SLC24A2: variants seen among roughly 807,000 people sequenced by gnomAD.
SLC24A2 encodes the protein sodium/potassium/calcium exchanger 2.
SLC24A2 carries 36 observed loss-of-function variants against 62.0 expected under a neutral mutation model. The ratio of observed to expected loss-of-function variants is 0.58; its 90% confidence interval spans 0.44 to 0.77. SLC24A2 has a LOEUF of 0.77. Among genes scored for constraint, SLC24A2 ranks in the 30% least tolerant of loss-of-function variants. SLC24A2 has a pLI of 0.00. For synonymous variants in SLC24A2, 358 were observed against 294.0 expected, an observed-to-expected ratio of 1.22 and a Z score of -2.23; for missense variants, 846 against 817.9, an observed-to-expected ratio of 1.03 and a Z score of -0.42.
chr9:19,536,199 TA>T (rs1716230021), intron 8 of SLC24A2, among the ~76,000 whole-genome samples: 2 of 150,228 alleles, frequency 1.3e-5, no homozygotes, highest in South Asian at 2.1e-4. Context: ...ATTTTTTATT[TA>T]TTTATTTTTT....
chr9:20,256,234 G>A, the SLC24A2 span, among the ~76,000 whole-genome samples: 3 of 152,186 alleles, frequency 2.0e-5, no homozygotes, highest in Admixed American at 6.5e-5. Flanking sequence ...TTAAACCATA[G>A]TATTTGCTAG....
the SLC24A2 span, among the ~76,000 whole-genome samples, chr9:19,844,548 G>T: frequency 5.9e-5 from 9 of 151,778 alleles, no homozygotes; most frequent in African/African-American, 1.9e-4. Flanking sequence ...TTTTTTTGTT[G>T]TTTTTGCAAT....
chr9:19,619,680 G>A lies in SLC24A2; in HGVS notation c.982C>T (p.Leu328Phe). ...DEPTLPAKPR[L>F]QRGGSSASLH... The stretch of plus-strand genomic sequence containing the variant: ...GAGGCAGAGCTTCCACCTCGCTGGA[G>A]ACGCGGCTTAGCCTGAGCAGAGAAA... Residue 328 changes from leucine to phenylalanine, a missense_variant, in exon 4 of 11, where the codon CTC becomes TTC. By Grantham distance (22) the Leu-to-Phe change is conservative. Coordinates refer to ENST00000341998, the MANE Select transcript of SLC24A2 (RefSeq NM_020344.4). 1 of 1,613,792 alleles carries A rather than the reference G, an allele frequency of 6.2e-7. No homozygotes were observed. The highest frequency in any genetic ancestry group is 8.5e-7 in the Non-Finnish European group (1 of 1,179,740).
At chr9:19,554,894 G>A (rs1173111826) in intron 7 of SLC24A2, among the ~76,000 whole-genome samples, 1 of 152,188 alleles carries the variant, frequency 6.6e-6, no homozygotes, top group Non-Finnish European at 1.5e-5. Flanking sequence ...TGATGGCAAT[G>A]CTTCCGGGAT....
chr9:20,138,405 A>G, the SLC24A2 span, among the ~76,000 whole-genome samples: 18 of 152,306 alleles, frequency 1.2e-4, no homozygotes, highest in African/African-American at 4.1e-4. Flanking sequence ...CCTGGAGCTT[A>G]CTTATTACTT....
the SLC24A2 span, among the ~76,000 whole-genome samples, chr9:20,257,634 C>T: frequency 1.3e-5 from 2 of 152,140 alleles, no homozygotes; most frequent in African/African-American, 2.4e-5. Context: ...CCAGATCTGC[C>T]GGTTACTGAC....
upstream of SLC24A2, among the ~76,000 whole-genome samples, chr9:19,793,804 A>G (rs374484500): frequency 6.6e-6 from 1 of 152,330 alleles, no homozygotes; most frequent in East Asian, 1.9e-4. Flanking sequence ...TTGAGATTAT[A>G]TACTTAGAAC....
chr9:19,605,098 A>C (rs1836947304), intron 4 of SLC24A2, among the ~76,000 whole-genome samples: 1 of 152,218 alleles, frequency 6.6e-6, no homozygotes, highest in Admixed American at 6.5e-5. Flanking sequence ...ATAGTTATGC[A>C]TCTTAGATTA....
At chr9:19,570,025 C>T (rs900167492) in intron 7 of SLC24A2, among the ~76,000 whole-genome samples, 2 of 152,202 alleles carry the variant, frequency 1.3e-5, no homozygotes, top group East Asian at 1.9e-4. Context: ...TGTTCATGGC[C>T]TTTGGGGCCA....
the SLC24A2 span, among the ~76,000 whole-genome samples, chr9:20,113,011 A>G: frequency 6.6e-6 from 1 of 152,142 alleles, no homozygotes; most frequent in East Asian, 1.9e-4. Flanking sequence ...TTGTGGCTCT[A>G]TTACATTAGC....
chr9:20,257,556 G>A, the SLC24A2 span, among the ~76,000 whole-genome samples: 1 of 152,092 alleles, frequency 6.6e-6, no homozygotes, highest in Admixed American at 6.5e-5. Flanking sequence ...TTGGGCCTCT[G>A]GAAAGAAGCA....
the SLC24A2 span, among the ~76,000 whole-genome samples, chr9:19,993,676 A>G: frequency 6.6e-6 from 1 of 152,162 alleles, no homozygotes; most frequent in Admixed American, 6.5e-5. Context: ...GCCCACACAG[A>G]GTTCTACCCC....
At chr9:19,871,079 A>T in the SLC24A2 span, among the ~76,000 whole-genome samples, 2 of 152,128 alleles carry the variant, frequency 1.3e-5, no homozygotes, top group Non-Finnish European at 2.9e-5. Flanking sequence ...GGTCAGAAAG[A>T]CACCTGTGTT....
At chr9:20,083,485 A>C in the SLC24A2 span, among the ~76,000 whole-genome samples, 1 of 152,190 alleles carries the variant, frequency 6.6e-6, no homozygotes, top group Admixed American at 6.5e-5. Flanking sequence ...AGCAAAAATA[A>C]CCATGGTGAA....
the SLC24A2 span, among the ~76,000 whole-genome samples, chr9:20,078,780 A>G: frequency 1.3e-5 from 2 of 152,190 alleles, no homozygotes; most frequent in Non-Finnish European, 2.9e-5. Context: ...ATGCCTCCCT[A>G]TCCCAATCCT....
At chr9:20,128,757 A>G in the SLC24A2 span, among the ~76,000 whole-genome samples, 9 of 152,122 alleles carry the variant, frequency 5.9e-5, no homozygotes, top group African/African-American at 1.9e-4. Context: ...AGACATTTAC[A>G]TGCAAAAGAA....
intron 2 of SLC24A2, among the ~76,000 whole-genome samples, chr9:19,781,361 G>A (rs1205272258): frequency 6.7e-6 from 1 of 150,354 alleles, no homozygotes; most frequent in African/African-American, 2.4e-5. Flanking sequence ...GACAAAGAGA[G>A]GAATAGATGA....
At chr9:19,641,217 G>A (rs1885225) in intron 2 of SLC24A2, among the ~76,000 whole-genome samples, 113,407 of 152,188 alleles carry the variant, frequency 0.75, 42,363 homozygotes, top group East Asian at 0.86. Context: ...TTGTCCCTCT[G>A]CTTTACTGAC....
the SLC24A2 span, among the ~76,000 whole-genome samples, chr9:20,089,190 G>T: frequency 6.6e-6 from 1 of 152,104 alleles, no homozygotes. Flanking sequence ...AGTCTGCAGG[G>T]ACCAGAAACT....
Sources: gnomAD v4.1 joint callset for allele counts (sites outside exome capture counted in the v4.1 genomes callset) on GRCh38, gnomAD v4.1.1 for gene constraint, MANE v1.5 for transcripts, NCBI Gene and HGNC (gene_info 2026-07-23, HGNC 2026-07-21) for gene names.